CFAP299: variants seen among roughly 807,000 people sequenced by gnomAD.
CFAP299 encodes the protein cilia- and flagella-associated protein 299.
CFAP299 carries 21 observed loss-of-function variants against 27.0 expected under a neutral mutation model. The ratio of observed to expected loss-of-function variants is 0.78; its 90% confidence interval spans 0.55 to 1.12. The LOEUF (loss-of-function observed/expected upper bound fraction) is 1.12, where lower values mean the gene tolerates loss of function less well. Among genes scored for constraint, CFAP299 ranks in the 50% most tolerant of loss-of-function variants. CFAP299 has a pLI of 0.00. For missense variants in CFAP299, 310 were observed against 276.6 expected, an observed-to-expected ratio of 1.12 and a Z score of -0.86; for synonymous variants, 104 against 98.1, an observed-to-expected ratio of 1.06 and a Z score of -0.36.
chr4:80,593,701 T>C (rs1055650644), intron 3 of CFAP299, among the ~76,000 whole-genome samples: 1 of 152,176 alleles, frequency 6.6e-6, no homozygotes, highest in Non-Finnish European at 1.5e-5. Flanking sequence ...TTCATTTTGT[T>C]GATGTCTGAT....
intron 2 of CFAP299, among the ~76,000 whole-genome samples, chr4:80,395,617 G>A (rs1725736845): frequency 6.6e-6 from 1 of 152,080 alleles, no homozygotes. Context: ...GTTTAAGGAA[G>A]AAGCATAAAG....
chr4:80,712,323 C>A (rs1262984732), intron 3 of CFAP299, among the ~76,000 whole-genome samples: 2 of 152,114 alleles, frequency 1.3e-5, no homozygotes, highest in Non-Finnish European at 2.9e-5. Flanking sequence ...TATTAGAAAG[C>A]CAATACAGCT....
At chr4:80,761,120 T>A (rs1196890113) in intron 3 of CFAP299, among the ~76,000 whole-genome samples, 5 of 152,200 alleles carry the variant, frequency 3.3e-5, no homozygotes, top group Admixed American at 1.3e-4. Context: ...CATGCCATTT[T>A]AAAATTTCCC....
At chr4:80,442,794 G>A (rs901838192) in intron 2 of CFAP299, among the ~76,000 whole-genome samples, 19 of 151,642 alleles carry the variant, frequency 1.3e-4, no homozygotes, top group Middle Eastern at 3.2e-3. Flanking sequence ...ACTAGTAGCC[G>A]GACAAACAAA....
intron 3 of CFAP299, 135 bp from the exon 4 acceptor site, chr4:80,869,858 G>T: frequency 1.2e-6 from 1 of 830,050 alleles, no homozygotes; most frequent in Non-Finnish European, 1.8e-6. Context: ...GCTGTTCAAT[G>T]TTATAACCAC....
intron 3 of CFAP299, among the ~76,000 whole-genome samples, chr4:80,758,552 G>T (rs997995886): frequency 1.3e-5 from 2 of 152,042 alleles, no homozygotes; most frequent in Non-Finnish European, 2.9e-5. Flanking sequence ...TTGAGAGTGG[G>T]CTCTCGCCAG....
intron 1 of CFAP299, among the ~76,000 whole-genome samples, chr4:80,351,246 C>T (rs1723000114): frequency 6.6e-6 from 1 of 151,986 alleles, no homozygotes; most frequent in African/African-American, 2.4e-5. Flanking sequence ...AATTTTTTCT[C>T]AGTTTTATAT....
intron 3 of CFAP299, among the ~76,000 whole-genome samples, chr4:80,695,665 C>T (rs1721041674): frequency 7.2e-6 from 1 of 139,454 alleles, no homozygotes; most frequent in Non-Finnish European, 1.5e-5. Context: ...TGATCTTATC[C>T]TTATCATCCT....
chr4:80,433,510 AT>A (rs1727922406), intron 2 of CFAP299, among the ~76,000 whole-genome samples: 1 of 152,190 alleles, frequency 6.6e-6, no homozygotes, highest in East Asian at 1.9e-4. Context: ...TGAATATTTT[AT>A]TCTTCAAATA....
chr4:80,793,640 C>T (rs753291503), intron 3 of CFAP299, among the ~76,000 whole-genome samples: 5 of 152,114 alleles, frequency 3.3e-5, no homozygotes, highest in African/African-American at 4.8e-5. Context: ...CAACCAGAAA[C>T]ACACCAAATC....
At chr4:80,579,524 T>C (rs1736060926) in intron 2 of CFAP299, among the ~76,000 whole-genome samples, 2 of 152,138 alleles carry the variant, frequency 1.3e-5, no homozygotes, top group Admixed American at 1.3e-4. Context: ...AGCCCAGATA[T>C]CTGCTGAAAA....
chr4:80,652,462 C>T (rs1043503763), intron 3 of CFAP299, among the ~76,000 whole-genome samples: 1 of 152,018 alleles, frequency 6.6e-6, no homozygotes, highest in African/African-American at 2.4e-5. Context: ...GGGGCAACAA[C>T]TGGACTGGGA....
intron 3 of CFAP299, among the ~76,000 whole-genome samples, chr4:80,799,812 T>TATATATTATAATATA (rs1553893122): frequency 4.7e-4 from 17 of 36,112 alleles, no homozygotes; most frequent in Non-Finnish European, 6.4e-4. Context: ...AATATATAAA[T>TATATATTATAATATA]ATATATATTA....
chr4:80,548,527 C>A (rs1429853585), intron 2 of CFAP299, among the ~76,000 whole-genome samples: 2 of 152,066 alleles, frequency 1.3e-5, no homozygotes, highest in Non-Finnish European at 2.9e-5. Flanking sequence ...ACCAACTGAA[C>A]CTAAAATAAA....
At chr4:80,884,639 T>C (rs1340400371) in intron 4 of CFAP299, among the ~76,000 whole-genome samples, 1 of 104,128 alleles carries the variant, frequency 9.6e-6, no homozygotes, top group Non-Finnish European at 1.9e-5. Flanking sequence ...AAATAATAAA[T>C]TATATAGCGA....
chr4:80,904,720 T>A (rs1024334999), intron 4 of CFAP299, among the ~76,000 whole-genome samples: 1 of 152,166 alleles, frequency 6.6e-6, no homozygotes, highest in Non-Finnish European at 1.5e-5. Flanking sequence ...TCAGCCTAGC[T>A]TTGAAGGGAA....
chr4:80,608,393 G>T, intron 3 of CFAP299: 3 of 1,515,278 alleles, frequency 2.0e-6, no homozygotes, highest in Non-Finnish European at 2.7e-6. Flanking sequence ...AGTAAGTACT[G>T]CTTATGGAAA....
At chr4:80,942,796 A>C (rs1273046691) in intron 4 of CFAP299, among the ~76,000 whole-genome samples, 1 of 152,238 alleles carries the variant, frequency 6.6e-6, no homozygotes, top group African/African-American at 2.4e-5. Context: ...TAATTATTGA[A>C]GGAGAATATA....
chr4:80,611,448 C>A (rs1057092030), intron 3 of CFAP299, among the ~76,000 whole-genome samples: 2 of 152,052 alleles, frequency 1.3e-5, no homozygotes, highest in African/African-American at 4.8e-5. Flanking sequence ...CAATCTACAA[C>A]GGCAATCTAA....
Sources: gnomAD v4.1 joint callset for allele counts (sites outside exome capture counted in the v4.1 genomes callset) on GRCh38, gnomAD v4.1.1 for gene constraint, MANE v1.5 for transcripts, NCBI Gene and HGNC (gene_info 2026-07-23, HGNC 2026-07-21) for gene names.